Variants in ERCC6L2 observed in about 807,000 individuals in gnomAD.
ERCC6L2 encodes the protein DNA excision repair protein ERCC-6-like 2.
In ERCC6L2, 77 loss-of-function variants were observed where a neutral mutation model predicts 132.0. The ratio of observed to expected loss-of-function variants is 0.58; its 90% CI spans 0.49 to 0.71. ERCC6L2 has a LOEUF of 0.71. Among genes scored for constraint, ERCC6L2 ranks in the 30% least tolerant of loss-of-function variants. The pLI is 0.00. For missense variants in ERCC6L2, 1,542 were observed against 1,837.6 expected, an observed-to-expected ratio of 0.84 and a Z score of 2.94; for synonymous variants, 583 against 632.4, an observed-to-expected ratio of 0.92 and a Z score of 1.17.
chr9:95,948,610 C>T (rs114174328), intron 12 of ERCC6L2, among the ~76,000 whole-genome samples: 1 of 151,746 alleles, frequency 6.6e-6, no homozygotes, highest in Non-Finnish European at 1.5e-5. Context: ...GGCAGCATAC[C>T]CAGGCAGGAT....
At chr9:96,024,049 A>T (rs1312957221) in intron 19 of ERCC6L2, among the ~76,000 whole-genome samples, 1 of 152,226 alleles carries the variant, frequency 6.6e-6, no homozygotes, top group Non-Finnish European at 1.5e-5. Flanking sequence ...AGGTGTACTT[A>T]GCAACGTTGC....
downstream of ERCC6L2, chr9:96,020,951 C>T (rs771244971): frequency 4.4e-6 from 2 of 456,698 alleles, no homozygotes; most frequent in South Asian, 3.1e-5. Context: ...GGCCGGGGAG[C>T]GGGGAGAGGG....
intron 19 of ERCC6L2, among the ~76,000 whole-genome samples, chr9:96,023,834 A>G (rs979893432): frequency 3.3e-5 from 5 of 152,184 alleles, no homozygotes; most frequent in African/African-American, 1.2e-4. Flanking sequence ...GACTTGAAAC[A>G]ATTGTGATGA....
downstream of ERCC6L2, chr9:96,021,486 A>C: frequency 5.7e-6 from 1 of 175,656 alleles, no homozygotes; most frequent in Non-Finnish European, 1.2e-5. This position sits in a 1 kb window ranked among gnomAD's most constrained non-coding sequence, Gnocchi z 4.7. Context: ...GGTTCTCCGG[A>C]CCCCCGCGGC....
chr9:96,009,342 C>T (rs900103951), intron 18 of ERCC6L2, among the ~76,000 whole-genome samples: 1 of 152,146 alleles, frequency 6.6e-6, no homozygotes, highest in Non-Finnish European at 1.5e-5. Context: ...ATTTTACCAC[C>T]CTCTTTTCCA....
intron 6 of ERCC6L2, 31 bp from the exon 7 acceptor site, chr9:95,921,144 C>CTAATAA (rs769990735): frequency 6.4e-7 from 1 of 1,568,936 alleles, no homozygotes; most frequent in South Asian, 1.2e-5. Context: ...AAACAAAATA[C>CTAATAA]TAATAACTAC....
intron 3 of ERCC6L2, among the ~76,000 whole-genome samples, chr9:95,899,922 T>C (rs1476778121): frequency 3.9e-5 from 6 of 152,200 alleles, no homozygotes; most frequent in Non-Finnish European, 8.8e-5. Flanking sequence ...ATGGAATTTT[T>C]TAGTATTTCA....
In ERCC6L2 at chr9:96,012,777, G is replaced by C; in HGVS notation, c.4227G>C (p.Thr1409=). The part of the protein sequence containing the change: ...TMKDQQDLTR[T]GISRKEPLLK... Reference sequence around the variant, plus strand: ...AAGACCAACAGGACCTCACAAGAACGGGCATTTCAAGAAAAGAACCCCTTC... The same window carrying C: ...AAGACCAACAGGACCTCACAAGAACCGGCATTTCAAGAAAAGAACCCCTTC... Residue 1409 remains threonine, a synonymous_variant, in exon 19 of 19, where the codon ACG becomes ACC. Coordinates refer to ENST00000653738, the MANE Select transcript of ERCC6L2 (RefSeq NM_020207.7). The C allele has an allele frequency of 7.3e-7, 1 of 1,367,472 alleles. No homozygotes were observed. The highest frequency in any genetic ancestry group is 9.8e-7 in the Non-Finnish European group (1 of 1,021,812). 84.7% of individuals were successfully genotyped at this position (1,367,472 alleles called of 1,614,324 possible). A position where few individuals can be genotyped will look rare whatever the true frequency, so the allele number is the denominator to read the frequency against.
At chr9:96,035,844 G>C (rs777803586) in intron 19 of ERCC6L2, among the ~76,000 whole-genome samples, 3 of 152,170 alleles carry the variant, frequency 2.0e-5, no homozygotes, top group Non-Finnish European at 4.4e-5. Flanking sequence ...TGAGGAGGTG[G>C]GAGAGTGGAG....
intron 12 of ERCC6L2, among the ~76,000 whole-genome samples, chr9:95,947,672 C>A (rs954074909): frequency 1.3e-5 from 2 of 152,208 alleles, no homozygotes; most frequent in Non-Finnish European, 2.9e-5. Flanking sequence ...TAGGCTGACT[C>A]TCTTGTTAGA....
chr9:95,921,318 A>T lies in ERCC6L2; in HGVS notation c.1299+3A>T. ...AAAGGAGAAATTGTTGTTATAAGGC[A>T]AGCATTTCAATATATCTTTATAATC... is the stretch of plus-strand genomic sequence containing the variant. On this transcript the variant is annotated splice_donor_region_variant and intron_variant, in intron 7 of 18. Transcript: ENST00000653738. 3.1e-6 allele frequency: 5 copies of T among 1,608,672 alleles called. No individual in the cohort carries two copies. The highest frequency in any genetic ancestry group is 4.2e-6 in the Non-Finnish European group (5 of 1,177,372).
intron 17 of ERCC6L2, among the ~76,000 whole-genome samples, chr9:95,999,224 G>T (rs896041987): frequency 6.6e-6 from 1 of 152,160 alleles, no homozygotes; most frequent in Non-Finnish European, 1.5e-5. Flanking sequence ...AGCCAGGCGT[G>T]GTGGTGGGCG....
At chr9:96,036,810 A>G (rs1197484132) in intron 19 of ERCC6L2, among the ~76,000 whole-genome samples, 1 of 144,968 alleles carries the variant, frequency 6.9e-6, no homozygotes, top group African/African-American at 2.6e-5. Context: ...TCTGTCGCCC[A>G]GGCTGGAGTG....
chr9:95,881,730 G>C (rs1321721063), intron 2 of ERCC6L2, among the ~76,000 whole-genome samples: 1 of 152,082 alleles, frequency 6.6e-6, no homozygotes, highest in African/African-American at 2.4e-5. Context: ...TGGAATCCCT[G>C]GGTCACTAGC....
At chr9:95,966,747 A>G (rs746828871) in intron 14 of ERCC6L2, 33 bp downstream of exon 14, 20 of 1,373,158 alleles carry the variant, frequency 1.5e-5, no homozygotes, top group Non-Finnish European at 1.9e-5. Context: ...TTTCAATAAT[A>G]TTTTAAATAC....
chr9:95,893,988 A>G (rs1828307478), intron 2 of ERCC6L2, among the ~76,000 whole-genome samples: 1 of 152,152 alleles, frequency 6.6e-6, no homozygotes, highest in Non-Finnish European at 1.5e-5. Context: ...CAGTGGGGTT[A>G]TGTCCCCATA....
Position 95,970,605 on chromosome 9 carries a change from G to A in ERCC6L2, c.2130G>A (p.Met710Ile), listed in dbSNP as rs1463091357. The A allele has an allele frequency of 7.7e-7, 1 of 1,303,706 alleles. No individual in the cohort carries two copies. Among genetic ancestry groups the A allele is most frequent in the Non-Finnish European group, 1.0e-6 (1 of 988,640 alleles). The allele number at this position is 1,303,706 out of a possible 1,614,324, so 80.8% of individuals were successfully genotyped here. A position where few individuals can be genotyped will look rare whatever the true frequency, so the allele number is the denominator to read the frequency against. Residue 710 changes from methionine (M) to isoleucine (I), a missense_variant, in exon 15 of 19, where the codon ATG becomes ATA. Met to Ile is a conservative substitution (Grantham distance 10). Transcript: ENST00000653738. The stretch of plus-strand genomic sequence containing the variant: ...AAGGCCAAGTAGAAGCAGGGATCAT[G>A]ACAGCCACAACATGGTTGAAAGAGG... ...EREGQVEAGI[M>I]TATTWLKEGP...
intron 12 of ERCC6L2, among the ~76,000 whole-genome samples, chr9:95,950,168 ACT>A (rs1219838462): frequency 1.3e-5 from 2 of 152,184 alleles, no homozygotes; most frequent in African/African-American, 4.8e-5. Flanking sequence ...TTGGCTTATA[ACT>A]CTGCTTTTTT....
intron 2 of ERCC6L2, among the ~76,000 whole-genome samples, chr9:95,896,257 A>G (rs1426517715): frequency 6.6e-6 from 1 of 151,898 alleles, no homozygotes; most frequent in African/African-American, 2.4e-5. Flanking sequence ...TTTACCCTTC[A>G]TTCTTGAATA....
Sources: gnomAD v4.1 joint callset for allele counts (sites outside exome capture counted in the v4.1 genomes callset) on GRCh38, gnomAD v4.1.1 for gene constraint, Gnocchi (gnomAD v3.1) non-coding constraint, MANE v1.5 for transcripts, NCBI Gene and HGNC (gene_info 2026-07-23, HGNC 2026-07-21) for gene names.